The following ZDHHC2 variants were observed in gnomAD, a reference collection of about 807,000 sequenced individuals.
ZDHHC2 encodes zDHHC palmitoyltransferase 2.
Under a neutral mutation model 55.6 loss-of-function variants are expected in ZDHHC2, and 51 were observed. The observed-to-expected ratio is 0.92, with a 90% confidence interval of 0.73 to 1.16. ZDHHC2 has a LOEUF of 1.16. ZDHHC2 is among the 50% of genes most tolerant of loss of function. ZDHHC2 has a pLI of 0.00. For synonymous variants in ZDHHC2, 199 were observed against 152.9 expected, an observed-to-expected ratio of 1.30 and a Z score of -2.22; for missense variants, 491 against 442.4, an observed-to-expected ratio of 1.11 and a Z score of -0.99.
At chr8:17,203,670 T>C (rs962470260) in intron 6 of ZDHHC2, among the ~76,000 whole-genome samples, 23 of 152,210 alleles carry the variant, frequency 1.5e-4, no homozygotes, top group African/African-American at 5.5e-4. Flanking sequence ...TCCAGTATTA[T>C]TTCCTGCCAT....
chr8:17,214,062 G>T (rs1289437542), intron 10 of ZDHHC2, among the ~76,000 whole-genome samples: 4 of 152,096 alleles, frequency 2.6e-5, no homozygotes, highest in Non-Finnish European at 5.9e-5. Flanking sequence ...TCAAATATGT[G>T]AAATTATTCT....
chr8:17,187,160 A>G (rs983656304), intron 3 of ZDHHC2, among the ~76,000 whole-genome samples: 4 of 152,220 alleles, frequency 2.6e-5, no homozygotes, highest in Non-Finnish European at 5.9e-5. Flanking sequence ...TGAGAGAAGA[A>G]GAGAAATATG....
At chr8:17,159,055 G>A (rs574196530) in intron 1 of ZDHHC2, among the ~76,000 whole-genome samples, 4 of 152,328 alleles carry the variant, frequency 2.6e-5, no homozygotes, top group Admixed American at 1.3e-4. Flanking sequence ...GGCAGTTTAT[G>A]AGTGGCAAGC....
At chr8:17,177,596 C>G (rs1394809332) in intron 1 of ZDHHC2, among the ~76,000 whole-genome samples, 1 of 152,150 alleles carries the variant, frequency 6.6e-6, no homozygotes. Flanking sequence ...GAGGTAGAGT[C>G]TTATTTACCA....
At chr8:17,217,140 C>T (rs758493642) in intron 11 of ZDHHC2, 32 bp from the exon 12 acceptor site, 2 of 1,604,780 alleles carry the variant, frequency 1.2e-6, no homozygotes, top group African/African-American at 2.7e-5. Context: ...TCAAAAGCAA[C>T]CAAAAATGCT....
chr8:17,174,599 A>G (rs934160305), intron 1 of ZDHHC2, among the ~76,000 whole-genome samples: 4 of 152,174 alleles, frequency 2.6e-5, no homozygotes, highest in African/African-American at 9.7e-5. Context: ...CAAAGCACAG[A>G]AAGCAAATCT....
At chr8:17,191,351 C>T (rs933080659) in intron 3 of ZDHHC2, among the ~76,000 whole-genome samples, 1 of 152,228 alleles carries the variant, frequency 6.6e-6, no homozygotes, top group Non-Finnish European at 1.5e-5. Context: ...CTCGCCTTGG[C>T]CTCCCAAAGT....
intron 1 of ZDHHC2, among the ~76,000 whole-genome samples, chr8:17,182,944 T>C (rs573108576): frequency 1.3e-5 from 2 of 152,334 alleles, no homozygotes; most frequent in South Asian, 4.1e-4. Context: ...GTATTTTTAG[T>C]AGAGACGGGG....
Position 17,210,497 on chromosome 8 carries a change from T to C in ZDHHC2, c.950+17T>C. 1.9e-6 allele frequency: 3 copies of C among 1,586,184 alleles called. No homozygotes were observed. The highest frequency in any genetic ancestry group is 2.6e-6 in the Non-Finnish European group (3 of 1,165,558). ...AGCTAAAAAGTAATCTCATATTTTT[T>C]TTCATTTTACTTTCAAATAAGATAT... On this transcript the variant is annotated intron_variant, in intron 10 of 12. Transcript: ENST00000262096.
chr8:17,159,790 G>A (rs1804244187), intron 1 of ZDHHC2, among the ~76,000 whole-genome samples: 4 of 152,028 alleles, frequency 2.6e-5, no homozygotes, highest in South Asian at 4.1e-4. Context: ...TAATCATTTG[G>A]ACCACGTTTA....
At chr8:17,165,516 T>A (rs1804558886) in intron 1 of ZDHHC2, among the ~76,000 whole-genome samples, 1 of 152,222 alleles carries the variant, frequency 6.6e-6, no homozygotes, top group African/African-American at 2.4e-5. Context: ...GGGTAGTGAT[T>A]CACCATAGCC....
At chr8:17,199,475 C>CTTT in intron 6 of ZDHHC2, among the ~76,000 whole-genome samples, 1 of 26,668 alleles carries the variant, frequency 3.7e-5, no homozygotes, top group Non-Finnish European at 9.2e-5. Context: ...ACTTCTTCTT[C>CTTT]TTCTTCTTCT....
intron 1 of ZDHHC2, among the ~76,000 whole-genome samples, chr8:17,170,917 A>AT: frequency 6.6e-6 from 1 of 152,232 alleles, no homozygotes; most frequent in Non-Finnish European, 1.5e-5. Context: ...CAAAATAATC[A>AT]TTGAGGCACT....
intron 11 of ZDHHC2, among the ~76,000 whole-genome samples, chr8:17,215,619 A>G (rs1489570254): frequency 6.6e-6 from 1 of 152,240 alleles, no homozygotes; most frequent in Non-Finnish European, 1.5e-5. Flanking sequence ...AAATAAAATG[A>G]TAGAAGTAAA....
chr8:17,159,857 C>T (rs1465626141), intron 1 of ZDHHC2, among the ~76,000 whole-genome samples: 1 of 152,138 alleles, frequency 6.6e-6, no homozygotes, highest in Non-Finnish European at 1.5e-5. Context: ...TCCATCCTTT[C>T]CTTCTCTTAC....
intron 4 of ZDHHC2, among the ~76,000 whole-genome samples, chr8:17,196,736 C>G (rs1029390579): frequency 1.3e-5 from 2 of 151,896 alleles, no homozygotes; most frequent in African/African-American, 4.8e-5. Flanking sequence ...AACCCCATCT[C>G]TACTAAAAAT....
At chr8:17,218,888 T>C (rs555735073) in intron 12 of ZDHHC2, among the ~76,000 whole-genome samples, 1 of 152,192 alleles carries the variant, frequency 6.6e-6, no homozygotes, top group Non-Finnish European at 1.5e-5. Context: ...CATCTCAGAT[T>C]TGCAATTCAT....
At chr8:17,208,597 C>T (rs1807219552) in intron 8 of ZDHHC2, among the ~76,000 whole-genome samples, 1 of 151,968 alleles carries the variant, frequency 6.6e-6, no homozygotes, top group Admixed American at 6.6e-5. Context: ...CTGTGAGCTT[C>T]AGTTATTATA....
rs138161234 is a variant in ZDHHC2, at chr8:17,215,382, A to G, written c.1063+33A>G. The stretch of plus-strand genomic sequence containing the variant: ...TGTGCTTGTTTGGCTGTTTTTTGAC[A>G]TATTTTATTTTTAGAAGGTAAACGT... On this transcript the variant is annotated intron_variant, in intron 11 of 12. Coordinates refer to ENST00000262096, the MANE Select transcript of ZDHHC2 (RefSeq NM_016353.5). 1,636 of 1,524,624 alleles carry G rather than the reference A, an allele frequency of 1.1e-3. 3 individuals carry two copies. Among genetic ancestry groups the G allele is most frequent in the Non-Finnish European group, 1.4e-3 (1,552 of 1,122,788 alleles). 94.4% of individuals were successfully genotyped at this position (1,524,624 alleles called of 1,614,324 possible).
Sources: gnomAD v4.1 joint callset for allele counts (sites outside exome capture counted in the v4.1 genomes callset) on GRCh38, gnomAD v4.1.1 for gene constraint, MANE v1.5 for transcripts, NCBI Gene and HGNC (gene_info 2026-07-23, HGNC 2026-07-21) for gene names.